Variants in ZNF385D observed in about 807,000 individuals in gnomAD.
ZNF385D encodes zinc finger protein 659.
ZNF385D carries 15 observed loss-of-function variants against 35.8 expected under a neutral mutation model. That is an observed-to-expected ratio of 0.42 (90% CI 0.28 to 0.64). The LOEUF (loss-of-function observed/expected upper bound fraction) is 0.64, where lower values mean the gene tolerates loss of function less well. ZNF385D is among the 30% of genes least tolerant of loss of function. The pLI is 0.23. For synonymous variants in ZNF385D, 212 were observed against 186.8 expected (o/e 1.13, Z -1.10); for missense variants, 474 against 494.6 (o/e 0.96, Z 0.39).
chr3:22,106,318 A>G (rs1420525192), intron 3 of ZNF385D, among the ~76,000 whole-genome samples: 2 of 152,114 alleles, frequency 1.3e-5, no homozygotes, highest in Non-Finnish European at 2.9e-5. Context: ...AGTAAGGACA[A>G]TTACTGCTTA....
intron 2 of ZNF385D, among the ~76,000 whole-genome samples, chr3:21,651,582 C>T (rs2125219325): frequency 6.7e-6 from 1 of 148,966 alleles, no homozygotes; most frequent in South Asian, 2.1e-4. Flanking sequence ...TTCTCAAAGT[C>T]ATTGTGAAAA....
chr3:22,263,409 C>G (rs1200584724), intron 2 of ZNF385D, among the ~76,000 whole-genome samples: 1 of 151,848 alleles, frequency 6.6e-6, no homozygotes, highest in Non-Finnish European at 1.5e-5. Context: ...TCCTTTATGT[C>G]TTTGCTCAAA....
At chr3:22,029,609 G>A (rs1697798048) in intron 3 of ZNF385D, among the ~76,000 whole-genome samples, 1 of 152,186 alleles carries the variant, frequency 6.6e-6, no homozygotes, top group Non-Finnish European at 1.5e-5. Flanking sequence ...ACATGTTTGT[G>A]CATATATACA....
chr3:21,529,604 A>G (rs980953319), intron 3 of ZNF385D, among the ~76,000 whole-genome samples: 13 of 152,152 alleles, frequency 8.5e-5, no homozygotes, highest in Admixed American at 8.5e-4. Context: ...CCCTTTGGCA[A>G]ACATTCAAGA....
intron 3 of ZNF385D, among the ~76,000 whole-genome samples, chr3:22,122,057 G>C (rs924508468): frequency 1.7e-4 from 26 of 152,090 alleles, no homozygotes; most frequent in African/African-American, 6.0e-4. Flanking sequence ...ATAGCCACTA[G>C]AGCAACATGC....
chr3:22,040,543 C>A (rs1698601345), intron 3 of ZNF385D, among the ~76,000 whole-genome samples: 2 of 152,108 alleles, frequency 1.3e-5, no homozygotes, highest in African/African-American at 4.8e-5. Flanking sequence ...AGAAACTACA[C>A]ATTGATAAAA....
At chr3:21,737,607 A>T (rs2069308693) in intron 1 of ZNF385D, among the ~76,000 whole-genome samples, 1 of 152,144 alleles carries the variant, frequency 6.6e-6, no homozygotes, top group African/African-American at 2.4e-5. Context: ...GGGGGGATTT[A>T]GTTTTCACTA....
chr3:22,177,045 G>A (rs915459997), intron 2 of ZNF385D, among the ~76,000 whole-genome samples: 13 of 151,980 alleles, frequency 8.6e-5, no homozygotes, highest in Admixed American at 7.9e-4. Context: ...CTGACCTACT[G>A]TTCCTATTTT....
chr3:21,944,199 GA>G (rs1490806361), intron 3 of ZNF385D, among the ~76,000 whole-genome samples: 1 of 151,998 alleles, frequency 6.6e-6, no homozygotes, highest in Admixed American at 6.6e-5. Context: ...TTCTGCTAAT[GA>G]AAAGAGAGCA....
intron 2 of ZNF385D, among the ~76,000 whole-genome samples, chr3:22,272,042 A>G (rs755681690): frequency 2.6e-5 from 4 of 151,966 alleles, no homozygotes; most frequent in Non-Finnish European, 5.9e-5. Flanking sequence ...ATTTTTGGAT[A>G]ATGTGTTTTG....
chr3:21,910,692 A>G (rs970354991), intron 3 of ZNF385D, among the ~76,000 whole-genome samples: 5 of 151,728 alleles, frequency 3.3e-5, no homozygotes, highest in Admixed American at 2.6e-4. Context: ...TGAACGTAGA[A>G]AAGTAAAAAG....
chr3:22,193,575 A>T lies in ZNF385D; in HGVS notation c.107-24540T>A, dbSNP rs544024560. ...TGTTTTGGTTTGTATTGTAACTTCAAAATTGAAGATTATGTGCAGTTTTTC... is the reference window on the plus strand; with the variant it reads ...TGTTTTGGTTTGTATTGTAACTTCATAATTGAAGATTATGTGCAGTTTTTC... On this transcript the variant is annotated intron_variant, in intron 2 of 5. Transcript: ENST00000494108. Among the ~76,000 whole-genome samples the T allele has an allele frequency of 4.6e-4, 70 of 152,140 alleles. 1 individual carries two copies. The South Asian group carries it at 0.014, about 30-fold the overall frequency.
intron 2 of ZNF385D, among the ~76,000 whole-genome samples, chr3:22,297,164 G>A (rs572100859): frequency 8.2e-4 from 124 of 152,126 alleles, no homozygotes; most frequent in African/African-American, 2.9e-3. Flanking sequence ...GAATATGGTG[G>A]TACAGAAAGA....
At chr3:22,256,048 T>C (rs1700298039) in intron 2 of ZNF385D, among the ~76,000 whole-genome samples, 2 of 151,674 alleles carry the variant, frequency 1.3e-5, no homozygotes, top group African/African-American at 4.8e-5. Flanking sequence ...CAAGAAAAAC[T>C]GGCTTAGCTT....
intron 3 of ZNF385D, among the ~76,000 whole-genome samples, chr3:21,988,979 C>T (rs1393791838): frequency 2.6e-5 from 4 of 152,168 alleles, no homozygotes; most frequent in African/African-American, 7.2e-5. Context: ...CCTTGCGCTT[C>T]CCAGGTGAGG....
At chr3:22,365,072 T>C (rs1696590794) in intron 2 of ZNF385D, among the ~76,000 whole-genome samples, 2 of 151,950 alleles carry the variant, frequency 1.3e-5, no homozygotes, top group Admixed American at 6.6e-5. Flanking sequence ...AATAGCATGG[T>C]GGTTGCCAGG....
rs188513597 is a variant in ZNF385D, at chr3:22,198,898, T to C, written c.107-29863A>G. ...TATTCCCCTCGTGATACACATTAAC[T>C]GAAGGAGTGAGCAGCAACTTCTTTG... On this transcript the variant is annotated intron_variant, in intron 2 of 5. Transcript: ENST00000494108. 2.0e-3 allele frequency among the ~76,000 whole-genome samples: 298 copies of C among 152,220 alleles called. 2 individuals carry two copies. Among genetic ancestry groups the C allele is most frequent in the African/African-American group, 6.4e-3 (267 of 41,576 alleles).
chr3:22,283,429 A>G (rs1701869252), intron 2 of ZNF385D, among the ~76,000 whole-genome samples: 1 of 152,190 alleles, frequency 6.6e-6, no homozygotes, highest in Non-Finnish European at 1.5e-5. Flanking sequence ...AAATAGGAGC[A>G]CAGCACAAAT....
chr3:21,687,869 T>C (rs547603507), intron 1 of ZNF385D, among the ~76,000 whole-genome samples: 8 of 152,294 alleles, frequency 5.3e-5, no homozygotes, highest in South Asian at 2.1e-4. Flanking sequence ...CATATGGTTA[T>C]TGTAGAAAAG....
Sources: gnomAD v4.1 joint callset for allele counts (sites outside exome capture counted in the v4.1 genomes callset) on GRCh38, gnomAD v4.1.1 for gene constraint, MANE v1.5 for transcripts, NCBI Gene and HGNC (gene_info 2026-07-23, HGNC 2026-07-21) for gene names.